PPFIA2: variants seen among roughly 807,000 people sequenced by gnomAD.
PPFIA2 encodes PPFI scaffold protein A2, also known as liprin-alpha-2.
In PPFIA2, 46 loss-of-function variants were observed where a neutral mutation model predicts 175.5. The ratio of observed to expected loss-of-function variants is 0.26; its 90% CI spans 0.21 to 0.34. The LOEUF (loss-of-function observed/expected upper bound fraction) is 0.34, where lower values mean the gene tolerates loss of function less well. Ranked by LOEUF, PPFIA2 falls within the 10% of genes least tolerant of loss-of-function variation. The pLI is 1.00. For missense variants in PPFIA2, 1,179 were observed against 1,506.1 expected (o/e 0.78, Z 3.60); for synonymous variants, 568 against 511.4 (o/e 1.11, Z -1.49).
chr12:81,427,935 A>G (rs2047432251), intron 7 of PPFIA2, among the ~76,000 whole-genome samples: 1 of 152,008 alleles, frequency 6.6e-6, no homozygotes, highest in Non-Finnish European at 1.5e-5. Flanking sequence ...TTAGTAAATG[A>G]TAGCTCTATA....
At chr12:81,733,363 T>C (rs1170149864) in intron 3 of PPFIA2, among the ~76,000 whole-genome samples, 2 of 151,672 alleles carry the variant, frequency 1.3e-5, no homozygotes, top group Non-Finnish European at 3.0e-5. Flanking sequence ...TTTTCAGTTA[T>C]GCAGTATGAA....
At chr12:81,452,638 A>G (rs2145607847) in intron 5 of PPFIA2, among the ~76,000 whole-genome samples, 1 of 152,336 alleles carries the variant, frequency 6.6e-6, no homozygotes, top group Admixed American at 6.5e-5. Flanking sequence ...ATCTGTTTTC[A>G]GCTGAGAAGG....
At chr12:81,290,152 G>GA (rs1385171005) in intron 24 of PPFIA2, among the ~76,000 whole-genome samples, 1 of 151,510 alleles carries the variant, frequency 6.6e-6, no homozygotes, top group African/African-American at 2.4e-5. Context: ...TAATAAACAC[G>GA]AAATACCTGG....
At chr12:81,348,744 T>C (rs1285248193) in intron 17 of PPFIA2, among the ~76,000 whole-genome samples, 1 of 152,040 alleles carries the variant, frequency 6.6e-6, no homozygotes, top group East Asian at 1.9e-4. Flanking sequence ...TTATATAAAT[T>C]ATTTATTACA....
intron 4 of PPFIA2, among the ~76,000 whole-genome samples, chr12:81,628,672 T>A (rs938076848): frequency 2.0e-5 from 3 of 152,264 alleles, no homozygotes; most frequent in Non-Finnish European, 4.4e-5. Context: ...AGACACCACG[T>A]CCAGTCATAA....
intron 4 of PPFIA2, among the ~76,000 whole-genome samples, chr12:81,595,396 T>C (rs187111761): frequency 0.013 from 2,045 of 152,184 alleles, 22 homozygotes; most frequent in Non-Finnish European, 0.022. Context: ...TTTTAACTTT[T>C]GTCAATTAAA....
intron 4 of PPFIA2, among the ~76,000 whole-genome samples, chr12:81,628,970 A>G (rs2063046365): frequency 6.6e-6 from 1 of 152,120 alleles, no homozygotes; most frequent in African/African-American, 2.4e-5. Context: ...ACAATGGAGG[A>G]AAAGGACCAC....
intron 4 of PPFIA2, among the ~76,000 whole-genome samples, chr12:81,577,366 T>C (rs184120152): frequency 6.6e-6 from 1 of 151,986 alleles, no homozygotes; most frequent in East Asian, 1.9e-4. Flanking sequence ...CTGTGCACAG[T>C]ATTAGCAAGT....
chr12:81,582,873 T>C (rs1481231842), intron 4 of PPFIA2, among the ~76,000 whole-genome samples: 1 of 151,864 alleles, frequency 6.6e-6, no homozygotes, highest in Non-Finnish European at 1.5e-5. Flanking sequence ...TGTAACATGG[T>C]ACTATAATAA....
chr12:81,512,316 C>T (rs1414519645), intron 4 of PPFIA2: 1 of 1,288,752 alleles, frequency 7.8e-7, no homozygotes, highest in South Asian at 1.2e-5. Flanking sequence ...GCTCTCCCTT[C>T]CCATCTCCCA....
Position 81,273,890 on chromosome 12 carries a change from C to CT in PPFIA2, c.3310+3426_3310+3427insA, listed in dbSNP as rs370434954. Among the ~76,000 whole-genome samples the CT allele has an allele frequency of 6.7e-3, 1,012 of 151,832 alleles. 15 individuals carry two copies. The highest frequency in any genetic ancestry group is 0.023 in the African/African-American group (966 of 41,348). ...TTTTGCCTCTTTCTCCCCGCCCCCC[C>CT]CCAAACCGGTCTGCAGCAAAGCAAA... On this transcript the variant is annotated intron_variant, in intron 28 of 32. Coordinates refer to ENST00000549396, the MANE Select transcript of PPFIA2 (RefSeq NM_003625.5).
intron 18 of PPFIA2, among the ~76,000 whole-genome samples, chr12:81,346,838 C>T (rs958780394): frequency 1.3e-5 from 2 of 151,896 alleles, no homozygotes; most frequent in Non-Finnish European, 2.9e-5. Context: ...GTTAAAAACA[C>T]ACACACACAG....
At chr12:81,269,686 C>T (rs750252496) in intron 28 of PPFIA2, among the ~76,000 whole-genome samples, 7 of 152,112 alleles carry the variant, frequency 4.6e-5, no homozygotes, top group East Asian at 3.9e-4. Context: ...TCGCCTTGCC[C>T]GATTTATTTT....
At chr12:81,382,402 C>T (rs1180099949) in intron 9 of PPFIA2, among the ~76,000 whole-genome samples, 3 of 152,118 alleles carry the variant, frequency 2.0e-5, no homozygotes, top group Non-Finnish European at 4.4e-5. Flanking sequence ...CATGAACTGA[C>T]TTATAGGCAG....
At chr12:81,456,719 T>C (rs1566911175) in intron 5 of PPFIA2, among the ~76,000 whole-genome samples, 1 of 152,198 alleles carries the variant, frequency 6.6e-6, no homozygotes, top group Non-Finnish European at 1.5e-5. Flanking sequence ...AATGTGGTAA[T>C]TTACATGTTT....
intron 3 of PPFIA2, among the ~76,000 whole-genome samples, chr12:81,725,208 TAG>T (rs1414485998): frequency 6.6e-6 from 1 of 150,926 alleles, no homozygotes; most frequent in African/African-American, 2.4e-5. Flanking sequence ...ATAATAAGAT[TAG>T]GTCTACATAA....
chr12:81,655,906 T>A (rs2067720456), intron 4 of PPFIA2, among the ~76,000 whole-genome samples: 2 of 152,176 alleles, frequency 1.3e-5, no homozygotes, highest in South Asian at 2.1e-4. Flanking sequence ...TCCTTTTGAT[T>A]CTGTTAATTT....
chr12:81,476,061 T>TA (rs2146483157), intron 4 of PPFIA2, among the ~76,000 whole-genome samples: 1 of 152,328 alleles, frequency 6.6e-6, no homozygotes, highest in African/African-American at 2.4e-5. Flanking sequence ...AAGTTTCTTC[T>TA]AGGCTAGTCT....
intron 4 of PPFIA2, among the ~76,000 whole-genome samples, chr12:81,586,543 A>G (rs937652882): frequency 1.3e-5 from 2 of 151,668 alleles, no homozygotes; most frequent in Non-Finnish European, 2.9e-5. Context: ...ATTTATGACT[A>G]TAAAACTAAG....
Sources: allele counts gnomAD v4.1 joint callset (sites outside exome capture counted in the v4.1 genomes callset), GRCh38; gene constraint gnomAD v4.1.1; transcripts MANE v1.5; gene names NCBI Gene and HGNC (gene_info 2026-07-23, HGNC 2026-07-21).